Variants in ANGPT1 observed in about 807,000 individuals in gnomAD.
The protein encoded by ANGPT1 is angiopoietin 1, also known as angiopoietin-1.
ANGPT1 carries 17 observed loss-of-function variants against 62.2 expected under a neutral mutation model. The ratio of observed to expected loss-of-function variants is 0.27; its 90% CI spans 0.19 to 0.41. ANGPT1 has a LOEUF of 0.41. Among genes scored for constraint, ANGPT1 ranks in the 10% least tolerant of loss-of-function variants. The pLI is 1.00. For synonymous variants in ANGPT1, 199 were observed against 198.9 expected, an observed-to-expected ratio of 1.00 and a Z score of 0.00; for missense variants, 478 against 594.9, an observed-to-expected ratio of 0.80 and a Z score of 2.04.
chr8:107,278,222 T>A (rs908884475), intron 7 of ANGPT1, among the ~76,000 whole-genome samples: 1 of 151,978 alleles, frequency 6.6e-6, no homozygotes, highest in African/African-American at 2.4e-5. Context: ...ACAATGGGTG[T>A]GCAACACCAC....
rs78277200 is a variant in ANGPT1, at chr8:107,458,932, T to C, written c.297+38330A>G. The stretch of plus-strand genomic sequence containing the variant: ...TTTAAGTAACTGACAGAAAATCACA[T>C]AGCAAGTGTCACAGCCCAAATTCAA... On this transcript the variant is annotated intron_variant, in intron 1 of 8. Coordinates refer to ENST00000517746, the MANE Select transcript of ANGPT1 (RefSeq NM_001146.5). 4.5e-3 allele frequency among the ~76,000 whole-genome samples: 679 copies of C among 152,182 alleles called. 3 individuals are homozygous for C. The highest frequency in any genetic ancestry group is 0.016 in the African/African-American group (654 of 41,526).
At chr8:107,274,797 C>G (rs957393608) in intron 7 of ANGPT1, among the ~76,000 whole-genome samples, 1 of 152,086 alleles carries the variant, frequency 6.6e-6, no homozygotes, top group Non-Finnish European at 1.5e-5. Context: ...CACAAAAAAA[C>G]CTTGTCAATA....
intron 7 of ANGPT1, among the ~76,000 whole-genome samples, chr8:107,282,440 G>GTGTA (rs1011079208): frequency 1.4e-3 from 2 of 1,476 alleles, no homozygotes; most frequent in Non-Finnish European, 3.1e-3. Context: ...ATGTGTGTAT[G>GTGTA]TGTGTGTGTG....
In ANGPT1 at chr8:107,478,044, G is replaced by A. The variant is rs1812578498; in HGVS notation, c.297+19218C>T. Among the ~76,000 whole-genome samples the A allele has an allele frequency of 1.4e-5, 2 of 145,324 alleles. 1 individual carries two copies. The highest frequency in any genetic ancestry group is 1.4e-4 in the Admixed American group (2 of 14,532). The stretch of plus-strand genomic sequence containing the variant: ...ATGAAGTTACCAATGGAAAAACCCT[G>A]TTCCAAAATATTTCTCCTGTTTTTT... On this transcript the variant is annotated intron_variant, in intron 1 of 8. Coordinates refer to ENST00000517746, the MANE Select transcript of ANGPT1 (RefSeq NM_001146.5).
At chr8:107,397,304 G>C (rs997960968) in intron 1 of ANGPT1, among the ~76,000 whole-genome samples, 1 of 152,138 alleles carries the variant, frequency 6.6e-6, no homozygotes, top group African/African-American at 2.4e-5. Context: ...GAAAGCCCTA[G>C]GGCAAGCAAT....
chr8:107,299,037 T>C (rs1814488785), intron 5 of ANGPT1, among the ~76,000 whole-genome samples: 1 of 151,476 alleles, frequency 6.6e-6, no homozygotes, highest in Non-Finnish European at 1.5e-5. Context: ...ACTGAGATTA[T>C]AGGAAGGTGA....
chr8:107,351,794 T>C (rs1815939065), intron 1 of ANGPT1, among the ~76,000 whole-genome samples: 1 of 152,052 alleles, frequency 6.6e-6, no homozygotes, highest in Non-Finnish European at 1.5e-5. Context: ...CTTAGTAACA[T>C]AAGTTTATTT....
At chr8:107,461,765 A>AAATGAATG (rs1477140960) in intron 1 of ANGPT1, among the ~76,000 whole-genome samples, 122 of 152,278 alleles carry the variant, frequency 8.0e-4, no homozygotes, top group African/African-American at 2.8e-3. Flanking sequence ...CTATTTTAAT[A>AAATGAATG]AATGAATGAA....
In ANGPT1 at chr8:107,250,812, T is replaced by C. The variant is rs930740181; in HGVS notation, c.*1043A>G. ...TTAGCAAGACATAACAGGGTGAGTA[T>C]TGGAGTTCTAAAAATATTTTTAAAA... On this transcript the variant is annotated 3_prime_UTR_variant, in exon 9 of 9. Transcript: ENST00000517746. 3.3e-5 allele frequency: 5 copies of C among 152,074 alleles called. No individual in the cohort carries two copies. Among genetic ancestry groups the C allele is most frequent in the African/African-American group, 4.8e-5 (2 of 41,446 alleles). 9.4% of individuals were successfully genotyped at this position (152,074 alleles called of 1,614,324 possible). A position where few individuals can be genotyped will look rare whatever the true frequency, so the allele number is the denominator to read the frequency against.
intron 7 of ANGPT1, among the ~76,000 whole-genome samples, chr8:107,273,369 A>T (rs1813784876): frequency 6.6e-6 from 1 of 152,046 alleles, no homozygotes; most frequent in Admixed American, 6.6e-5. Flanking sequence ...TTGTATTGCT[A>T]TAAGGTCTGC....
chr8:107,330,262 A>G (rs4262300), intron 3 of ANGPT1, among the ~76,000 whole-genome samples: 26,864 of 152,098 alleles, frequency 0.18, 2,606 homozygotes, highest in Middle Eastern at 0.3. Context: ...TGTCATTGTT[A>G]TGTTACAAAT....
At chr8:107,449,631 A>T (rs1448786281) in intron 1 of ANGPT1, among the ~76,000 whole-genome samples, 2 of 152,046 alleles carry the variant, frequency 1.3e-5, no homozygotes, top group Non-Finnish European at 2.9e-5. Context: ...CCACTTCATC[A>T]AACTTTGTAG....
chr8:107,316,111 G>A (rs894732003), intron 4 of ANGPT1, among the ~76,000 whole-genome samples: 1 of 152,026 alleles, frequency 6.6e-6, no homozygotes, highest in African/African-American at 2.4e-5. Context: ...ATGTGCAATT[G>A]GTATTAGATT....
At chr8:107,415,295 G>C (rs766256404) in intron 1 of ANGPT1, among the ~76,000 whole-genome samples, 74 of 152,240 alleles carry the variant, frequency 4.9e-4, no homozygotes, top group Non-Finnish European at 9.3e-4. Context: ...GAATGATCTG[G>C]AATGAAAGAA....
intron 1 of ANGPT1, among the ~76,000 whole-genome samples, chr8:107,466,158 A>T (rs1369085772): frequency 6.6e-6 from 1 of 152,152 alleles, no homozygotes; most frequent in African/African-American, 2.4e-5. Context: ...TAATGTTAGG[A>T]TGCAATTCAA....
At chr8:107,477,266 G>A (rs1490118460) in intron 1 of ANGPT1, among the ~76,000 whole-genome samples, 3 of 152,148 alleles carry the variant, frequency 2.0e-5, no homozygotes, top group African/African-American at 7.2e-5. Context: ...TATGGAGGAT[G>A]GAGCGGGAGA....
At chr8:107,296,211 G>A (rs530988623) in intron 5 of ANGPT1, among the ~76,000 whole-genome samples, 4 of 152,176 alleles carry the variant, frequency 2.6e-5, no homozygotes, top group African/African-American at 7.2e-5. Context: ...GTCAAAGAAC[G>A]GGCTTTGGTG....
intron 4 of ANGPT1, among the ~76,000 whole-genome samples, chr8:107,309,073 G>A (rs1164436153): frequency 6.6e-6 from 1 of 152,166 alleles, no homozygotes; most frequent in Non-Finnish European, 1.5e-5. Flanking sequence ...CGAGAACACA[G>A]AAGGCAATTA....
intron 5 of ANGPT1, among the ~76,000 whole-genome samples, chr8:107,298,237 T>C (rs1333650627): frequency 2.0e-5 from 3 of 151,982 alleles, no homozygotes; most frequent in Non-Finnish European, 4.4e-5. Flanking sequence ...TGATTAGACT[T>C]GTGAATGTTA....
Sources: allele counts gnomAD v4.1 joint callset (sites outside exome capture counted in the v4.1 genomes callset), GRCh38; gene constraint gnomAD v4.1.1; transcripts MANE v1.5; gene names NCBI Gene and HGNC (gene_info 2026-07-23, HGNC 2026-07-21).